IGFBP3: variants seen among roughly 807,000 people sequenced by gnomAD.
The protein encoded by IGFBP3 is insulin-like growth factor-binding protein 3.
In IGFBP3, 9 loss-of-function variants were observed where a neutral mutation model predicts 28.6. The observed-to-expected ratio is 0.31, with a 90% CI of 0.19 to 0.55. The LOEUF is 0.55. Among genes scored for constraint, IGFBP3 ranks in the 20% least tolerant of loss-of-function variants. IGFBP3 has a pLI of 0.93. For synonymous variants in IGFBP3, 185 were observed against 188.2 expected (o/e 0.98, Z 0.14); for missense variants, 382 against 428.9 (o/e 0.89, Z 0.97).
chr7:45,917,076 G>C, intron 2 of IGFBP3, 137 bp downstream of exon 2: 1 of 682,368 alleles, frequency 1.5e-6, no homozygotes, highest in Non-Finnish European at 2.6e-6. Flanking sequence ...GAGAGGTAGG[G>C]CACAGAGGGG....
intron 1 of IGFBP3, among the ~76,000 whole-genome samples, chr7:45,918,079 T>C (rs3793345): frequency 0.19 from 29,517 of 152,194 alleles, 2,995 homozygotes; most frequent in Middle Eastern, 0.3. Flanking sequence ...CTCAGAATCA[T>C]GCAAGCATGT....
rs1451789183 is a variant in IGFBP3 at position 45,921,158 on chromosome 7, C to A, written c.-18G>T. ...CGCTGCATGACGCCTGCAACCGGGG[C>A]ACGCTGCTTGGCAGGCTGGGCGCGC... On this transcript the variant is annotated 5_prime_UTR_variant, in exon 1 of 5. Coordinates refer to ENST00000613132, the MANE Select transcript of IGFBP3 (RefSeq NM_000598.5). The A allele has an allele frequency of 4.0e-6, 6 of 1,503,506 alleles. No individual in the cohort carries two copies. In the Admixed American group the frequency reaches 1.2e-4, roughly 31 times the overall value. 93.1% of individuals were successfully genotyped at this position (1,503,506 alleles called of 1,614,324 possible).
chr7:45,914,751 G>T (rs539662958), intron 4 of IGFBP3, 54 bp downstream of exon 4: 4 of 1,573,424 alleles, frequency 2.5e-6, no homozygotes, highest in Non-Finnish European at 3.5e-6. Flanking sequence ...CCCTGAGGCT[G>T]GTCCAAGGAC....
Position 45,916,654 on chromosome 7 carries a change from C to G in IGFBP3, c.644G>C (p.Arg215Thr). Residue 215 changes from arginine (R) to threonine (T), a missense_variant, in exon 3 of 5, where the codon AGA (arginine) becomes ACA (threonine). Arg to Thr is a moderately conservative substitution (Grantham distance 71). Transcript: ENST00000613132. The stretch of plus-strand genomic sequence containing the variant: ...GTGATTCAGTGTGTCTTCCATTTCT[C>G]TACGGCAGGGACCCTGGGGATCAGG... ...KRETEYGPCR[R>T]EMEDTLNHLK... 6.2e-7 allele frequency: 1 copy of G among 1,612,824 alleles called. No individual in the cohort carries two copies. Among genetic ancestry groups the G allele is most frequent in the Non-Finnish European group, 8.5e-7 (1 of 1,178,948 alleles).
Position 45,914,774 on chromosome 7 carries a change from G to A in IGFBP3, c.*15+31C>T, listed in dbSNP as rs1288322446. 3.7e-6 allele frequency: 6 copies of A among 1,607,244 alleles called. No homozygotes were observed. The East Asian group carries it at 1.3e-4, about 36-fold the overall frequency. ...CTGGTCCAAGGACAGTGAGGCCCTG[G>A]AGCCCCAGGCTGCCCCTCCTGAGTA... is the stretch of plus-strand genomic sequence containing the variant. On this transcript the variant is annotated intron_variant, in intron 4 of 4. Transcript: ENST00000613132.
At chr7:45,916,157 CT>C (rs2116576406) in intron 3 of IGFBP3, among the ~76,000 whole-genome samples, 1 of 152,332 alleles carries the variant, frequency 6.6e-6, no homozygotes, top group African/African-American at 2.4e-5. Flanking sequence ...TCATGTCACA[CT>C]TCTTGGAAAC....
At chr7:45,920,652 C>T (rs1295934803) in intron 1 of IGFBP3, 86 bp downstream of exon 1, 3 of 1,211,934 alleles carry the variant, frequency 2.5e-6, no homozygotes, top group East Asian at 6.4e-5. Flanking sequence ...AGCGGAGTCT[C>T]CCGCAGCGGC....
intron 4 of IGFBP3, 70 bp downstream of exon 4, chr7:45,914,735 C>A: frequency 1.3e-6 from 2 of 1,501,058 alleles, no homozygotes; most frequent in Non-Finnish European, 9.1e-7. Flanking sequence ...AGTGGCCACG[C>A]CCAGCCCCTG....
At chr7:45,917,511 G>A (rs1481808164) in intron 1 of IGFBP3, 72 bp from the exon 2 acceptor site, 6 of 1,262,990 alleles carry the variant, frequency 4.8e-6, no homozygotes. Flanking sequence ...AAATCTTAAC[G>A]TTGCAACCAG....
At chr7:45,915,197 A>C in intron 3 of IGFBP3, 1 of 448,346 alleles carries the variant, frequency 2.2e-6, no homozygotes. Flanking sequence ...TAGGAGTATA[A>C]GGTGGACACC....
intron 1 of IGFBP3, among the ~76,000 whole-genome samples, chr7:45,917,785 A>T (rs1184907012): frequency 6.6e-6 from 1 of 152,170 alleles, no homozygotes; most frequent in Non-Finnish European, 1.5e-5. Flanking sequence ...GAGCCACGGG[A>T]GGCTGCTGCA....
At chr7:45,914,681 G>A (rs1358715984) in intron 4 of IGFBP3, 124 bp downstream of exon 4, 1 of 883,186 alleles carries the variant, frequency 1.1e-6, no homozygotes, top group Non-Finnish European at 1.7e-6. Flanking sequence ...GCTCTTTCTG[G>A]CCCTGAGCTG....
Position 45,916,528 on chromosome 7 carries a change from A to T in IGFBP3, c.750+20T>A, listed in dbSNP as rs1240170565. On this transcript the variant is annotated intron_variant, in intron 3 of 4. Coordinates refer to ENST00000613132, the MANE Select transcript of IGFBP3 (RefSeq NM_000598.5). ...TGTGTCAACAGAAGAGGAAGAAAACACACTGAGGACCTCACTCACCTGCTT... is the reference window on the plus strand; with the variant it reads ...TGTGTCAACAGAAGAGGAAGAAAACTCACTGAGGACCTCACTCACCTGCTT... The T allele has an allele frequency of 4.4e-6, 7 of 1,604,956 alleles. No individual in the cohort carries two copies. In the Admixed American group the frequency reaches 1.2e-4, roughly 27 times the overall value.
chr7:45,921,111 G>T lies in IGFBP3; in HGVS notation c.30C>A (p.Ala10=). 4.7e-6 allele frequency: 7 copies of T among 1,491,772 alleles called. No homozygotes were observed. The highest frequency in any genetic ancestry group is 6.2e-6 in the Non-Finnish European group (7 of 1,127,204). 92.4% of individuals were successfully genotyped at this position (1,491,772 alleles called of 1,614,324 possible). Residue 10 remains alanine, a synonymous_variant, in exon 1 of 5, where the codon GCC becomes GCA. Transcript: ENST00000613132. MQRARPTLW[A]AALTLLVLLR... Reference sequence around the variant, plus strand: ...GCAGCACCAGCAGAGTCAGCGCAGCGGCCCAGAGCGTGGGTCGCGCCCGCT... The same window carrying T: ...GCAGCACCAGCAGAGTCAGCGCAGCTGCCCAGAGCGTGGGTCGCGCCCGCT...
At chr7:45,915,192 G>A (rs1023258675) in intron 3 of IGFBP3, 35 of 457,202 alleles carry the variant, frequency 7.7e-5, no homozygotes, top group South Asian at 7.2e-4. Flanking sequence ...GTTTCTAGGA[G>A]TATAAGGTGG....
At chr7:45,919,399 G>A (rs895526906) in intron 1 of IGFBP3, among the ~76,000 whole-genome samples, 2 of 152,160 alleles carry the variant, frequency 1.3e-5, no homozygotes, top group Non-Finnish European at 2.9e-5. Context: ...ACTTTGCCCC[G>A]AGAGACAAAT....
intron 1 of IGFBP3, among the ~76,000 whole-genome samples, chr7:45,918,762 C>G (rs1784646211): frequency 6.6e-6 from 1 of 152,204 alleles, no homozygotes; most frequent in African/African-American, 2.4e-5. Context: ...AGGTCACTCA[C>G]CAGGGCCTTA....
In IGFBP3 at chr7:45,917,252, G is replaced by C; in HGVS notation, c.591C>G (p.Thr197=). 2 of 1,613,944 alleles carry C rather than the reference G, an allele frequency of 1.2e-6. No homozygotes were observed. The highest frequency in any genetic ancestry group is 1.7e-6 in the Non-Finnish European group (2 of 1,179,924). The change falls in exon 2 of 5, where the codon ACC becomes ACG. Residue 197 remains threonine (T), a synonymous_variant. Transcript: ENST00000613132. ...GCTTGGACTCGGAGGAGAAGTTCTG[G>C]GTATCTGTGCTCTGAGACTCGTAGT... The part of the protein sequence containing the change: ...KVDYESQSTD[T]QNFSSESKRE...
Position 45,921,017 on chromosome 7 carries a change from G to C in IGFBP3, c.124C>G (p.Pro42Ala). 2.8e-6 allele frequency: 4 copies of C among 1,407,126 alleles called. No homozygotes were observed. The highest frequency in any genetic ancestry group is 6.2e-5 in the East Asian group (2 of 32,074). The allele number at this position is 1,407,126 out of a possible 1,614,324, so 87.2% of individuals were successfully genotyped here. A position where few individuals can be genotyped will look rare whatever the true frequency, so the allele number is the denominator to read the frequency against. Residue 42 changes from proline (P) to alanine (A), a missense_variant, in exon 1 of 5, where the codon CCG becomes GCG. Pro to Ala is a conservative substitution (Grantham distance 27). Coordinates refer to ENST00000613132, the MANE Select transcript of IGFBP3 (RefSeq NM_000598.5). Reference protein sequence around the residue: ...AGLGPVVRCEPCDARALAQCA... With the variant: ...AGLGPVVRCEACDARALAQCA... ...TGGGCCAGTGCACGCGCGTCGCACG[G>C]CTCGCAGCGCACCACGGGACCCAAG... is the stretch of plus-strand genomic sequence containing the variant.
Sources: gnomAD v4.1 joint callset for allele counts (sites outside exome capture counted in the v4.1 genomes callset) on GRCh38, gnomAD v4.1.1 for gene constraint, MANE v1.5 for transcripts, NCBI Gene and HGNC (gene_info 2026-07-23, HGNC 2026-07-21) for gene names.